The following RUNX3 variants were observed in gnomAD, a reference collection of about 807,000 sequenced individuals.
The protein encoded by RUNX3 is RUNX family transcription factor 3.
Under a neutral mutation model 27.7 loss-of-function variants are expected in RUNX3, and 10 were observed. The ratio of observed to expected loss-of-function variants is 0.36; its 90% CI spans 0.22 to 0.61. RUNX3 has a LOEUF of 0.61. Among genes scored for constraint, RUNX3 ranks in the 20% least tolerant of loss-of-function variants. The pLI, the probability that RUNX3 is intolerant of heterozygous loss-of-function variation, is 0.72. For synonymous variants in RUNX3, 270 were observed against 269.2 expected (o/e 1.00, Z -0.03); for missense variants, 469 against 629.5 (o/e 0.75, Z 2.73).
chr1:24,959,613 CAG>C (rs1163318655), intron 2 of RUNX3, among the ~76,000 whole-genome samples: 1 of 152,162 alleles, frequency 6.6e-6, no homozygotes, highest in Non-Finnish European at 1.5e-5. Context: ...AGTGCTAAAA[CAG>C]AGAGTCCCCT....
chr1:24,951,216 A>AT (rs1553207422), intron 2 of RUNX3, among the ~76,000 whole-genome samples: 5 of 150,902 alleles, frequency 3.3e-5, no homozygotes, highest in African/African-American at 1.2e-4. Flanking sequence ...AAAAAAAAAA[A>AT]AAAAAAATAA....
intron 2 of RUNX3, among the ~76,000 whole-genome samples, chr1:24,922,546 A>G (rs1641019539): frequency 6.6e-6 from 1 of 152,116 alleles, no homozygotes; most frequent in African/African-American, 2.4e-5. Flanking sequence ...ATTGCTCTAA[A>G]TATCTTTTAT....
intron 2 of RUNX3, among the ~76,000 whole-genome samples, chr1:24,946,672 G>A (rs1255590252): frequency 6.6e-6 from 1 of 152,106 alleles, no homozygotes; most frequent in Non-Finnish European, 1.5e-5. Flanking sequence ...TGTCTTAGCT[G>A]CATCCCTGGT....
chr1:24,919,361 A>T lies in RUNX3; in HGVS notation c.440-17T>A. ...AACTCTTCCCTGGGGAGAGTGGGGA[A>T]TAGAGGCAGGTGGTTGGCACCTGGA... On this transcript the variant is annotated splice_polypyrimidine_tract_variant and intron_variant, in intron 2 of 4. Coordinates refer to ENST00000308873, the MANE Select transcript of RUNX3 (RefSeq NM_004350.3). The T allele has an allele frequency of 6.3e-7, 1 of 1,578,658 alleles. No homozygotes were observed.
chr1:24,908,107 ACGACACGCGG>A (rs1162069422), intron 3 of RUNX3, among the ~76,000 whole-genome samples: 80 of 149,326 alleles, frequency 5.4e-4, no homozygotes, highest in South Asian at 6.4e-4. Flanking sequence ...CCGAACCTCT[ACGACACGCGG>A]TGATCCAAAC....
At chr1:24,955,763 G>C (rs1438326104) in intron 2 of RUNX3, among the ~76,000 whole-genome samples, 1 of 152,212 alleles carries the variant, frequency 6.6e-6, no homozygotes, top group Non-Finnish European at 1.5e-5. Context: ...AAAACACTGG[G>C]GGGGAGGGTG....
chr1:24,950,329 C>T lies in RUNX3; in HGVS notation c.58+14185G>A, dbSNP rs550613940. On this transcript the variant is annotated intron_variant, in intron 2 of 6. Transcript: ENST00000338888. ...CCAAAACTTGGTGTGCAGATTCCAA[C>T]CCCTTTCTCCTCCCCATGCCTGCCT... is the stretch of plus-strand genomic sequence containing the variant. 5.3e-5 allele frequency among the ~76,000 whole-genome samples: 8 copies of T among 152,282 alleles called. 1 individual carries two copies. In the South Asian group the frequency reaches 1.4e-3, roughly 28 times the overall value.
intron 4 of RUNX3, 129 bp downstream of exon 4, chr1:24,907,130 G>C: frequency 3.2e-6 from 3 of 928,448 alleles, no homozygotes; most frequent in Non-Finnish European, 4.7e-6. Context: ...AGCACCAGCA[G>C]CTCCTCTACA....
At chr1:24,917,582 T>C (rs2124277732) in intron 3 of RUNX3, among the ~76,000 whole-genome samples, 1 of 152,318 alleles carries the variant, frequency 6.6e-6, no homozygotes, top group South Asian at 2.1e-4. Context: ...TGACTTGCCC[T>C]AGGTCACACT....
In RUNX3 at chr1:24,920,926, T is replaced by C. The variant is rs111731762; in HGVS notation, c.440-1582A>G. On this transcript the variant is annotated intron_variant, in intron 2 of 4. Transcript: ENST00000308873. ...CTATTACGATCCACAGCCTCATGCT[T>C]TATGAGATTGGTGGCCGGGAGCGGG... Among the ~76,000 whole-genome samples the C allele has an allele frequency of 2.5e-3, 386 of 152,268 alleles. 6 individuals carry two copies. The highest frequency in any genetic ancestry group is 9.1e-3 in the African/African-American group (380 of 41,534).
chr1:24,926,482 C>A (rs1376380839), intron 2 of RUNX3, among the ~76,000 whole-genome samples: 1 of 152,198 alleles, frequency 6.6e-6, no homozygotes, highest in Admixed American at 6.5e-5. Context: ...ACAGTTATTA[C>A]ATGCAAATAA....
intron 3 of RUNX3, among the ~76,000 whole-genome samples, chr1:24,913,274 G>C (rs1207983420): frequency 1.3e-5 from 2 of 152,232 alleles, no homozygotes; most frequent in African/African-American, 2.4e-5. Flanking sequence ...GCATGGCCTG[G>C]ATTAGTGTCT....
intron 2 of RUNX3, among the ~76,000 whole-genome samples, chr1:24,960,506 G>A (rs1042972783): frequency 4.6e-5 from 7 of 152,192 alleles, no homozygotes; most frequent in South Asian, 2.1e-4. Context: ...AGATGAACGC[G>A]TTTGCCCCCC....
intron 2 of RUNX3, among the ~76,000 whole-genome samples, chr1:24,955,312 G>A (rs945778694): frequency 6.6e-6 from 1 of 152,256 alleles, no homozygotes; most frequent in Non-Finnish European, 1.5e-5. Context: ...GATATCTTCC[G>A]GGCAGAAGGG....
At chr1:24,924,933 G>A (rs742230) in intron 2 of RUNX3, among the ~76,000 whole-genome samples, 80,659 of 151,932 alleles carry the variant, frequency 0.53, 21,590 homozygotes, top group South Asian at 0.58. Flanking sequence ...CTTCAGCCCT[G>A]TTGTTAAGAG....
chr1:24,964,684 G>T, intron 1 of RUNX3: 1 of 1,466,208 alleles, frequency 6.8e-7, no homozygotes, highest in South Asian at 1.3e-5. Flanking sequence ...GAAAATAAAA[G>T]GGGGGGGTGT....
chr1:24,903,769 A>G (rs1640611335), intron 4 of RUNX3, among the ~76,000 whole-genome samples: 1 of 152,154 alleles, frequency 6.6e-6, no homozygotes, highest in South Asian at 2.1e-4. Context: ...GCAGCACAGG[A>G]TCAAGGCTTA....
intron 4 of RUNX3, among the ~76,000 whole-genome samples, chr1:24,903,325 G>C (rs1369482892): frequency 6.6e-6 from 1 of 152,170 alleles, no homozygotes; most frequent in Non-Finnish European, 1.5e-5. Context: ...AGGAGCTCTG[G>C]CCTCCACCTC....
In RUNX3 at chr1:24,929,736, CG is replaced by C; in HGVS notation, c.132del (p.Gly45GlufsTer63). On this transcript the variant is annotated frameshift_variant, in exon 1 of 5. Coordinates refer to ENST00000308873, the MANE Select transcript of RUNX3 (RefSeq NM_004350.3). LOFTEE classifies it high-confidence loss of function. ...CGCACCTCGGGCCGGGCGCGCCCTC[CG>C]GGCCCCACGGCCGCCTGCGCGCTCA... ...GALSAQAAVGPGGRARPEVRS... is the reference protein window; with the variant it reads ...GALSAQAAVGXGGRARPEVRS... The C allele has an allele frequency of 6.7e-7, 1 of 1,487,350 alleles. No individual in the cohort carries two copies. The highest frequency in any genetic ancestry group is 2.5e-5 in the Admixed American group (1 of 40,752). 92.1% of individuals were successfully genotyped at this position (1,487,350 alleles called of 1,614,324 possible). A position where few individuals can be genotyped will look rare whatever the true frequency, so the allele number is the denominator to read the frequency against.
Sources: allele counts gnomAD v4.1 joint callset (sites outside exome capture counted in the v4.1 genomes callset), GRCh38; gene constraint gnomAD v4.1.1; transcripts MANE v1.5; gene names NCBI Gene and HGNC (gene_info 2026-07-23, HGNC 2026-07-21).